The following BCL2L1 variants were observed in gnomAD, a reference collection of about 807,000 sequenced individuals.
BCL2L1 encodes the protein BCL2 like 1, also known as bcl-2-like protein 1.
In BCL2L1, 1 loss-of-function variant was observed where a neutral mutation model predicts 18.7. The observed-to-expected ratio is 0.05, with a 90% CI of 0.02 to 0.25. The LOEUF is 0.25. Among genes scored for constraint, BCL2L1 ranks in the 10% least tolerant of loss-of-function variants. The pLI is 1.00. For missense variants in BCL2L1, 207 were observed against 304.9 expected, an observed-to-expected ratio of 0.68 and a Z score of 2.39; for synonymous variants, 103 against 122.7, an observed-to-expected ratio of 0.84 and a Z score of 1.06.
In BCL2L1 at chr20:31,692,738, A is replaced by AT. The variant is rs2061096540; in HGVS notation, c.565-26653dup. ...AGCCTGGCCAAGATGGTGAAACCCC[A>AT]TCTCTACTAAAACTACAAAAATTAG... On this transcript the variant is annotated intron_variant, in intron 2 of 2. Coordinates refer to ENST00000307677, the MANE Select transcript of BCL2L1 (RefSeq NM_138578.3). Among the ~76,000 whole-genome samples, 4 of 152,272 alleles carry AT rather than the reference A, an allele frequency of 2.6e-5. No homozygotes were observed. In the South Asian group the frequency reaches 8.3e-4, roughly 32 times the overall value.
chr20:31,704,750 C>T (rs1054946925), intron 2 of BCL2L1, among the ~76,000 whole-genome samples: 1 of 152,212 alleles, frequency 6.6e-6, no homozygotes, highest in Middle Eastern at 3.2e-3. Flanking sequence ...TGCACCCCCC[C>T]AACGCACACA....
intron 2 of BCL2L1, among the ~76,000 whole-genome samples, chr20:31,713,050 C>T (rs1271429037): frequency 1.3e-5 from 2 of 152,072 alleles, no homozygotes; most frequent in Non-Finnish European, 2.9e-5. Flanking sequence ...GAATCCCATC[C>T]TATGCAGGGG....
upstream of BCL2L1, chr20:31,723,445 G>C (rs548652975): frequency 1.0e-6 from 1 of 985,336 alleles, no homozygotes; most frequent in East Asian, 1.1e-4. Context: ...GCGCCCCCGG[G>C]AGGGCTCCGG....
rs139033329 is a variant in BCL2L1, at chr20:31,677,212, C to T, written c.565-11126G>A. ...TTTTTTTTTTTTTGAGACAGAGTCT[C>T]ACTCTGTCGCCCAGGCTGGAGTGCA... On this transcript the variant is annotated intron_variant, in intron 2 of 2. Transcript: ENST00000307677. 6.7e-3 allele frequency among the ~76,000 whole-genome samples: 972 copies of T among 144,418 alleles called. 14 individuals are homozygous for T. The highest frequency in any genetic ancestry group is 0.024 in the African/African-American group (920 of 38,026). 94.7% of individuals were successfully genotyped at this position (144,418 alleles called of 152,430 possible). A position where few individuals can be genotyped will look rare whatever the true frequency, so the allele number is the denominator to read the frequency against.
At chr20:31,700,491 G>C (rs914827373) in intron 2 of BCL2L1, among the ~76,000 whole-genome samples, 2 of 152,186 alleles carry the variant, frequency 1.3e-5, no homozygotes, top group Non-Finnish European at 2.9e-5. Context: ...CCTGGTTCTA[G>C]CTGACCTTTT....
intron 2 of BCL2L1, among the ~76,000 whole-genome samples, chr20:31,719,834 AT>A (rs1487732295): frequency 2.6e-5 from 4 of 152,142 alleles, no homozygotes; most frequent in Admixed American, 2.6e-4. Flanking sequence ...CCCACCTGGT[AT>A]TAGGACCACT....
intron 2 of BCL2L1, among the ~76,000 whole-genome samples, chr20:31,696,853 C>T (rs914784409): frequency 2.5e-4 from 38 of 151,866 alleles, no homozygotes; most frequent in Non-Finnish European, 3.1e-4. Context: ...GTCAGGAGTT[C>T]GAGACGAGCC....
intron 2 of BCL2L1, among the ~76,000 whole-genome samples, chr20:31,683,937 G>A (rs2060911452): frequency 6.6e-6 from 1 of 152,102 alleles, no homozygotes; most frequent in African/African-American, 2.4e-5. Context: ...TTCCTATAAA[G>A]AGTATCATTT....
chr20:31,720,457 C>T lies in BCL2L1; in HGVS notation c.564+1198G>A, dbSNP rs903570455. ...ACATCTCTCATAAAACCTGCACCTCCGCTAGGTAGGGAGATAAGCAAGAAA... is the reference window on the plus strand; with the variant it reads ...ACATCTCTCATAAAACCTGCACCTCTGCTAGGTAGGGAGATAAGCAAGAAA... On this transcript the variant is annotated intron_variant, in intron 2 of 2. Transcript: ENST00000307677. The T allele has an allele frequency of 2.3e-5, 20 of 864,966 alleles. 1 individual carries two copies. The highest frequency in any genetic ancestry group is 1.5e-5 in the Non-Finnish European group (11 of 720,150). 53.6% of individuals were successfully genotyped at this position (864,966 alleles called of 1,614,324 possible).
chr20:31,670,360 T>A (rs1391925641), intron 2 of BCL2L1, among the ~76,000 whole-genome samples: 4 of 152,194 alleles, frequency 2.6e-5, no homozygotes, highest in Admixed American at 2.0e-4. Context: ...GCCCTGGTTA[T>A]CCCAAGAGGC....
chr20:31,678,509 TTC>T (rs2060799922), intron 2 of BCL2L1, among the ~76,000 whole-genome samples: 1 of 152,084 alleles, frequency 6.6e-6, no homozygotes. Context: ...ACTACCAGGG[TTC>T]TCTCTCTCAG....
At chr20:31,723,755 G>T (rs17122905), upstream of BCL2L1, 39 of 985,244 alleles carry the variant, frequency 4.0e-5, no homozygotes, top group African/African-American at 7.0e-5. Flanking sequence ...CGCGAGCCGT[G>T]GGGGGCCACA....
intron 2 of BCL2L1, among the ~76,000 whole-genome samples, chr20:31,680,424 T>G (rs2060839737): frequency 6.6e-6 from 1 of 151,762 alleles, no homozygotes; most frequent in Non-Finnish European, 1.5e-5. Flanking sequence ...AAGGGAAGAG[T>G]GTGCTGAGGC....
chr20:31,696,822 G>A (rs1268133210), intron 2 of BCL2L1, among the ~76,000 whole-genome samples: 2 of 152,036 alleles, frequency 1.3e-5, no homozygotes, highest in African/African-American at 2.4e-5. Flanking sequence ...TTGGGAAGCC[G>A]AGGCGGGTGG....
intron 2 of BCL2L1, among the ~76,000 whole-genome samples, chr20:31,680,796 A>G (rs1027579762): frequency 2.5e-4 from 38 of 152,356 alleles, no homozygotes; most frequent in African/African-American, 8.7e-4. Flanking sequence ...ATGGGAAGAG[A>G]CAGGCAATAA....
In BCL2L1 at chr20:31,720,045, C is replaced by A. The variant is rs144092609; in HGVS notation, c.564+1610G>T. The A allele has an allele frequency of 1.1e-5, 10 of 951,334 alleles. No individual in the cohort carries two copies. The East Asian group carries it at 1.2e-3, about 110-fold the overall frequency. 58.9% of individuals were successfully genotyped at this position (951,334 alleles called of 1,614,324 possible). ...CAACAGGAACTATTTAATCATTTAT[C>A]CCCCTAGAGAGTTCATTTACAGAAT... On this transcript the variant is annotated intron_variant, in intron 2 of 2. Coordinates refer to ENST00000307677, the MANE Select transcript of BCL2L1 (RefSeq NM_138578.3).
intron 2 of BCL2L1, among the ~76,000 whole-genome samples, chr20:31,719,865 G>A (rs1189083380): frequency 2.0e-5 from 3 of 152,170 alleles, no homozygotes; most frequent in Non-Finnish European, 4.4e-5. Flanking sequence ...CAATAGTCAG[G>A]CAAAGTGGGC....
chr20:31,667,227 G>C (rs1450716673), intron 2 of BCL2L1, among the ~76,000 whole-genome samples: 1 of 152,160 alleles, frequency 6.6e-6, no homozygotes, highest in Non-Finnish European at 1.5e-5. Context: ...TTGGGAGGCT[G>C]AGGTGGGTGG....
In BCL2L1 at chr20:31,665,212, G is replaced by T; in HGVS notation, c.*737C>A. On this transcript the variant is annotated 3_prime_UTR_variant, in exon 3 of 3. Transcript: ENST00000307677. ...CAGTATGGTCATGGGAGCCAGGGAG[G>T]GGAAGGGACTAGGGTGGTGCTGAAC... 5.9e-6 allele frequency: 1 copy of T among 169,974 alleles called. No individual in the cohort carries two copies. 10.5% of individuals were successfully genotyped at this position (169,974 alleles called of 1,614,324 possible). A position where few individuals can be genotyped will look rare whatever the true frequency, so the allele number is the denominator to read the frequency against.
Sources: gnomAD v4.1 joint callset for allele counts (sites outside exome capture counted in the v4.1 genomes callset) on GRCh38, gnomAD v4.1.1 for gene constraint, MANE v1.5 for transcripts, NCBI Gene and HGNC (gene_info 2026-07-23, HGNC 2026-07-21) for gene names.